ITGA9: variants seen among roughly 807,000 people sequenced by gnomAD.
ITGA9 encodes integrin alpha-9.
ITGA9 carries 56 observed loss-of-function variants against 127.8 expected under a neutral mutation model. That is an observed-to-expected ratio of 0.44 (90% CI 0.35 to 0.55). The LOEUF (loss-of-function observed/expected upper bound fraction) is 0.55. ITGA9 is among the 20% of genes least tolerant of loss of function. The pLI, the probability that ITGA9 is intolerant of heterozygous loss-of-function variation, is 0.00. For missense variants in ITGA9, 1,196 were observed against 1,347.1 expected (o/e 0.89, Z 1.76); for synonymous variants, 508 against 514.5 (o/e 0.99, Z 0.17).
At chr3:37,487,823 G>GAA (rs1447921611) in intron 4 of ITGA9, among the ~76,000 whole-genome samples, 1 of 151,710 alleles carries the variant, frequency 6.6e-6, no homozygotes, top group Admixed American at 6.6e-5. Flanking sequence ...GCCTATCACA[G>GAA]AAAAAAAAGT....
rs2125530842 is a variant in ITGA9 at position 37,736,940 on chromosome 3, T to C, written c.2191T>C (p.Ser731Pro). ...FSVIFDTSHL[S>P]GEEEVLSFIV... is the part of the protein sequence containing the mutation. ...CGTGATCTTTGATACAAGCCACCTGTCTGGGGAAGAGGAAGTTCTCAGCTT... is the reference window on the plus strand; with the variant it reads ...CGTGATCTTTGATACAAGCCACCTGCCTGGGGAAGAGGAAGTTCTCAGCTT... The change falls in exon 20 of 28, where the codon TCT becomes CCT. Residue 731 changes from serine (S) to proline (P), a missense_variant. Coordinates refer to ENST00000264741, the MANE Select transcript of ITGA9 (RefSeq NM_002207.3). 2 of 1,613,856 alleles carry C rather than the reference T, an allele frequency of 1.2e-6. No individual in the cohort carries two copies. The highest frequency in any genetic ancestry group is 4.5e-5 in the East Asian group (2 of 44,882).
chr3:37,510,885 C>T (rs1401096874), intron 8 of ITGA9, among the ~76,000 whole-genome samples: 1 of 152,160 alleles, frequency 6.6e-6, no homozygotes, highest in Non-Finnish European at 1.5e-5. Context: ...CTAGATTTAC[C>T]CTGTCATCAT....
intron 23 of ITGA9, among the ~76,000 whole-genome samples, chr3:37,773,763 C>A (rs1397271780): frequency 6.6e-6 from 1 of 152,136 alleles, no homozygotes; most frequent in Non-Finnish European, 1.5e-5. Context: ...CATCAAACTG[C>A]ACCCTTTAGA....
rs773653611 is a variant in ITGA9, at chr3:37,779,887, G to A, written c.2668-15G>A. ...TCTTAATTCCATTGGAAATTTTTCT[G>A]ACTTTTCTTCTCAGGACTGTGAAAA... On this transcript the variant is annotated splice_polypyrimidine_tract_variant and intron_variant, in intron 24 of 27. Coordinates refer to ENST00000264741, the MANE Select transcript of ITGA9 (RefSeq NM_002207.3). 4 of 1,613,454 alleles carry A rather than the reference G, an allele frequency of 2.5e-6. No homozygotes were observed. The Admixed American group carries it at 5.0e-5, about 20-fold the overall frequency.
chr3:37,802,823 A>T (rs1204518759), intron 26 of ITGA9, among the ~76,000 whole-genome samples: 1 of 152,194 alleles, frequency 6.6e-6, no homozygotes, highest in Non-Finnish European at 1.5e-5. Context: ...GTCACTAGGT[A>T]CGGAGTTAGG....
intron 27 of ITGA9, among the ~76,000 whole-genome samples, chr3:37,813,465 T>C (rs1559606328): frequency 6.6e-6 from 1 of 152,224 alleles, no homozygotes. Context: ...ACAAAAACCT[T>C]GCTAAATTTA....
intron 23 of ITGA9, among the ~76,000 whole-genome samples, chr3:37,775,213 AACAG>A (rs1408589246): frequency 2.6e-5 from 4 of 152,272 alleles, no homozygotes; most frequent in Non-Finnish European, 5.9e-5. Context: ...AAAGGACATG[AACAG>A]ACACTTTTCT....
chr3:37,737,867 A>G (rs1204633663), intron 20 of ITGA9, among the ~76,000 whole-genome samples: 2 of 152,200 alleles, frequency 1.3e-5, no homozygotes, highest in Non-Finnish European at 2.9e-5. Context: ...TGCCTCATCT[A>G]TTTTATCATC....
Position 37,482,125 on chromosome 3 carries a change from G to A in ITGA9, c.544+518G>A, listed in dbSNP as rs907029750. ...ATGTCCTGAGGCTGGGGGGAGAGGA[G>A]ACCCAGGATTCATAAAGCAACAGCT... On this transcript the variant is annotated intron_variant, in intron 4 of 27. Coordinates refer to ENST00000264741, the MANE Select transcript of ITGA9 (RefSeq NM_002207.3). 2.0e-5 allele frequency among the ~76,000 whole-genome samples: 3 copies of A among 152,180 alleles called. No individual in the cohort carries two copies. In the South Asian group the frequency reaches 6.2e-4, roughly 32 times the overall value.
chr3:37,508,627 G>T lies in ITGA9; in HGVS notation c.897G>T (p.Lys299Asn). 6.2e-7 allele frequency: 1 copy of T among 1,611,696 alleles called. No homozygotes were observed. The highest frequency in any genetic ancestry group is 8.5e-7 in the Non-Finnish European group (1 of 1,177,966). Residue 299 changes from lysine (K) to asparagine (N), a missense_variant and splice_region_variant, in exon 8 of 28, where the codon AAG becomes AAT. Physicochemically the swap from Lys to Asn is moderately conservative, Grantham distance 94. Coordinates refer to ENST00000264741, the MANE Select transcript of ITGA9 (RefSeq NM_002207.3). ...AGATCTTTCAAGCATCAGGTAAAAA[G>T]GTGAGGTTCTTGGTATAAGTGACTA... ...LIKIFQASGK[K>N]MGSYFGSSLC...
At chr3:37,783,713 A>C (rs1031845752) in intron 25 of ITGA9, among the ~76,000 whole-genome samples, 1 of 152,232 alleles carries the variant, frequency 6.6e-6, no homozygotes, top group African/African-American at 2.4e-5. Flanking sequence ...TAAAACTGTT[A>C]AATTGGTAAA....
At chr3:37,491,057 A>C (rs1447693157) in intron 4 of ITGA9, among the ~76,000 whole-genome samples, 17 of 145,414 alleles carry the variant, frequency 1.2e-4, no homozygotes, top group African/African-American at 4.1e-4. Context: ...GCTCACTGCA[A>C]CCTCTGCCTC....
chr3:37,545,630 C>CT (rs1373713052), intron 15 of ITGA9, among the ~76,000 whole-genome samples: 1 of 152,350 alleles, frequency 6.6e-6, no homozygotes, highest in East Asian at 1.9e-4. Flanking sequence ...CCAGCCACTT[C>CT]CTTGGCTTCT....
chr3:37,700,514 A>C (rs1700935143), intron 18 of ITGA9, among the ~76,000 whole-genome samples: 1 of 151,842 alleles, frequency 6.6e-6, no homozygotes. Context: ...ACACCTGGGT[A>C]ATTTTTGTAT....
intron 8 of ITGA9, among the ~76,000 whole-genome samples, chr3:37,512,465 G>A (rs931027416): frequency 2.0e-5 from 3 of 151,638 alleles, no homozygotes; most frequent in East Asian, 1.9e-4. Context: ...TGATCCACCC[G>A]CCTCCCAAAG....
At chr3:37,617,103 G>T (rs1385475644) in intron 15 of ITGA9, among the ~76,000 whole-genome samples, 6 of 152,196 alleles carry the variant, frequency 3.9e-5, no homozygotes, top group African/African-American at 1.2e-4. Flanking sequence ...GCTGGTAATG[G>T]TTGTTCCTTT....
At chr3:37,530,352 A>G (rs149915465) in intron 13 of ITGA9, among the ~76,000 whole-genome samples, 1 of 152,210 alleles carries the variant, frequency 6.6e-6, no homozygotes. Context: ...GAGACCACGC[A>G]TGTGCAAGCA....
chr3:37,526,532 C>G (rs1699095146), intron 13 of ITGA9, among the ~76,000 whole-genome samples: 2 of 152,216 alleles, frequency 1.3e-5, no homozygotes, highest in African/African-American at 4.8e-5. Context: ...GGACCGGGAG[C>G]CTCCTGCCCG....
chr3:37,510,789 C>A (rs981613198), intron 8 of ITGA9, among the ~76,000 whole-genome samples: 1 of 152,166 alleles, frequency 6.6e-6, no homozygotes, highest in East Asian at 1.9e-4. Context: ...CTGGCCCTAA[C>A]CTTTGCACCA....
Sources: gnomAD v4.1 joint callset for allele counts (sites outside exome capture counted in the v4.1 genomes callset) on GRCh38, gnomAD v4.1.1 for gene constraint, MANE v1.5 for transcripts, NCBI Gene and HGNC (gene_info 2026-07-23, HGNC 2026-07-21) for gene names.